Variants in RAD23A observed in about 807,000 individuals in gnomAD.
The protein encoded by RAD23A is lysine-specific demethylase RAD23A.
RAD23A carries 16 observed loss-of-function variants against 44.8 expected under a neutral mutation model. The ratio of observed to expected loss-of-function variants is 0.36; its 90% CI spans 0.24 to 0.54. The LOEUF (loss-of-function observed/expected upper bound fraction) is 0.54, where lower values mean the gene tolerates loss of function less well. RAD23A is among the 20% of genes least tolerant of loss of function. The pLI, the probability that RAD23A is intolerant of heterozygous loss-of-function variation, is 0.89. For synonymous variants in RAD23A, 217 were observed against 202.9 expected, an observed-to-expected ratio of 1.07 and a Z score of -0.59; for missense variants, 380 against 483.3, an observed-to-expected ratio of 0.79 and a Z score of 2.00.
At position 12,948,953 on chromosome 19, in the gene RAD23A, A is replaced by C; in HGVS notation, c.601-128A>C. 1 of 1,526,668 alleles carries C rather than the reference A, an allele frequency of 6.6e-7. No homozygotes were observed. The highest frequency in any genetic ancestry group is 8.9e-7 in the Non-Finnish European group (1 of 1,118,776). 94.6% of individuals were successfully genotyped at this position (1,526,668 alleles called of 1,614,324 possible). A position where few individuals can be genotyped will look rare whatever the true frequency, so the allele number is the denominator to read the frequency against. ...CTAGCCACTAAAGGCTTCCCACAGG[A>C]GGCTGGATGTGAGTGATGGGTGGGC... On this transcript the variant is annotated intron_variant, in intron 5 of 8. Transcript: ENST00000586534. The surrounding 1 kb of genome is among the most constrained non-coding windows in gnomAD (Gnocchi z 5.5).
intron 7 of RAD23A, among the ~76,000 whole-genome samples, chr19:12,950,655 C>T (rs1001147989): frequency 3.3e-5 from 5 of 152,138 alleles, no homozygotes; most frequent in Non-Finnish European, 7.4e-5. Context: ...CCCGCCTTGG[C>T]CTCCCAAAGT....
intron 7 of RAD23A, 22 bp from the exon 8 acceptor site, chr19:12,952,667 C>T (rs1480265619): frequency 1.3e-6 from 2 of 1,598,178 alleles, no homozygotes; most frequent in East Asian, 2.2e-5. Context: ...AATTACCTTC[C>T]CTTCCCCACC....
In RAD23A at chr19:12,953,019, C is replaced by G. The variant is rs767826146; in HGVS notation, c.1062C>G (p.Phe354Leu). 1 of 1,614,038 alleles carries G rather than the reference C, an allele frequency of 6.2e-7. No homozygotes were observed. Among genetic ancestry groups the G allele is most frequent in the South Asian group, 1.1e-5 (1 of 91,080 alleles). ...CEKNENLAAN[F>L]LLSQNFDDE ...AAAATGAGAACTTGGCTGCCAACTT[C>G]CTCCTGAGTCAGAACTTTGATGACG... Residue 354 changes from phenylalanine (F) to leucine (L), a missense_variant, in exon 9 of 9, where the codon TTC (phenylalanine) becomes TTG (leucine). Coordinates refer to ENST00000586534, the MANE Select transcript of RAD23A (RefSeq NM_005053.4).
At chr19:12,947,400 TG>T (rs1405570016) in intron 1 of RAD23A, among the ~76,000 whole-genome samples, 1 of 152,254 alleles carries the variant, frequency 6.6e-6, no homozygotes, top group East Asian at 1.9e-4. Context: ...CAATCCAGCA[TG>T]GGCGGCAGCG....
At position 12,953,328 on chromosome 19, in the gene RAD23A, CTG is replaced by C. The variant is rs1971867325; in HGVS notation, c.*281_*282del. On this transcript the variant is annotated 3_prime_UTR_variant, in exon 9 of 9. Transcript: ENST00000586534. The stretch of plus-strand genomic sequence containing the variant: ...GCGACAGATGGGCCCCTCTTGGCCT[CTG>C]TCCCAGCTCTCTGCAGCCAGACGGA... 1 of 273,882 alleles carries C rather than the reference CTG, an allele frequency of 3.7e-6. No homozygotes were observed. The highest frequency in any genetic ancestry group is 2.2e-5 in the African/African-American group (1 of 45,346). The allele number at this position is 273,882 out of a possible 1,614,324, so 17.0% of individuals were successfully genotyped here. A position where few individuals can be genotyped will look rare whatever the true frequency, so the allele number is the denominator to read the frequency against.
In RAD23A at chr19:12,947,979, G is replaced by A; in HGVS notation, c.204G>A (p.Glu68=). The change falls in exon 2 of 9, where the codon GAG becomes GAA. Residue 68 remains glutamate, a synonymous_variant. Transcript: ENST00000586534. ...DVPIRDYRID[E]KNFVVVMVTK... is the part of the protein sequence containing the mutation. Reference sequence around the variant, plus strand: ...CTATCAGGGACTATCGCATCGATGAGAAGAACTTTGTGGTCGTCATGGTGA... The same window carrying A: ...CTATCAGGGACTATCGCATCGATGAAAAGAACTTTGTGGTCGTCATGGTGA... 1.2e-6 allele frequency: 2 copies of A among 1,613,916 alleles called. No homozygotes were observed. The highest frequency in any genetic ancestry group is 1.3e-5 in the African/African-American group (1 of 75,046).
chr19:12,953,447 T>G lies in RAD23A; in HGVS notation c.*398T>G, dbSNP rs1440842912. 2 of 155,708 alleles carry G rather than the reference T, an allele frequency of 1.3e-5. No homozygotes were observed. Among genetic ancestry groups the G allele is most frequent in the East Asian group, 3.8e-4 (2 of 5,298 alleles). The allele number at this position is 155,708 out of a possible 1,614,324, so 9.6% of individuals were successfully genotyped here. On this transcript the variant is annotated 3_prime_UTR_variant, in exon 9 of 9. Transcript: ENST00000586534. The stretch of plus-strand genomic sequence containing the variant: ...ATGAGGGGAAGCTGGAGCCCCAACT[T>G]TGATCCTCCATTGGAGTGGCCCAAA...
rs757596906 is a variant in RAD23A, at chr19:12,949,146, G to A, written c.666G>A (p.Pro222=). 1.2e-5 allele frequency: 20 copies of A among 1,613,898 alleles called. No homozygotes were observed. Among genetic ancestry groups the A allele is most frequent in the Admixed American group, 5.0e-5 (3 of 59,976 alleles). ...SVQESQVSEQ[P]ATEAAGENPL... is the part of the protein sequence containing the mutation. ...AGGAGAGCCAGGTATCGGAGCAGCCGGCCACGGAAGCAGGTGGGTGTGCAC... is the reference window on the plus strand; with the variant it reads ...AGGAGAGCCAGGTATCGGAGCAGCCAGCCACGGAAGCAGGTGGGTGTGCAC... Residue 222 remains proline (P), a synonymous_variant, in exon 6 of 9, where the codon CCG becomes CCA. Transcript: ENST00000586534.
intron 7 of RAD23A, among the ~76,000 whole-genome samples, chr19:12,951,147 G>A (rs1971800465): frequency 6.6e-6 from 1 of 152,106 alleles, no homozygotes; most frequent in Admixed American, 6.6e-5. Context: ...TTGGTTTGGG[G>A]GCTGGTAGGT....
chr19:12,946,054 G>T, intron 1 of RAD23A, 34 bp downstream of exon 1: 1 of 1,399,130 alleles, frequency 7.1e-7, no homozygotes, highest in South Asian at 1.2e-5. Context: ...GGGCGGGAGC[G>T]ACGGGTTTCG....
intron 7 of RAD23A, among the ~76,000 whole-genome samples, chr19:12,951,072 G>T (rs2146040592): frequency 6.6e-6 from 1 of 152,248 alleles, no homozygotes; most frequent in Admixed American, 6.5e-5. Context: ...AAAAAGAACA[G>T]AAACAAAAAT....
At position 12,948,084 on chromosome 19, in the gene RAD23A, A is replaced by AGATTAGCT; in HGVS notation, c.234+77_234+84dup. 6.2e-7 allele frequency: 1 copy of AGATTAGCT among 1,607,548 alleles called. No homozygotes were observed. Among genetic ancestry groups the AGATTAGCT allele is most frequent in the South Asian group, 1.1e-5 (1 of 90,846 alleles). On this transcript the variant is annotated intron_variant, in intron 2 of 8. Transcript: ENST00000586534. This position sits in a 1 kb window ranked among gnomAD's most constrained non-coding sequence, Gnocchi z 5.5. ...GGCAAAGAGCCTGTGTGCCCAGGAG[A>AGATTAGCT]GATTAGCTGTGAACAGGGCGGGGCC...
intron 7 of RAD23A, among the ~76,000 whole-genome samples, chr19:12,951,529 C>T (rs1183130737): frequency 2.0e-5 from 3 of 152,106 alleles, no homozygotes; most frequent in South Asian, 2.1e-4. Flanking sequence ...TCACCGTAAC[C>T]TCCGCCTCCT....
At chr19:12,950,260 T>C (rs1364877262) in intron 7 of RAD23A, among the ~76,000 whole-genome samples, 16 of 152,146 alleles carry the variant, frequency 1.1e-4, no homozygotes, top group Non-Finnish European at 2.4e-4. Flanking sequence ...GGGGATCTGC[T>C]GGGGTCTACC....
In RAD23A at chr19:12,946,960, G is replaced by C. The variant is rs1268733103; in HGVS notation, c.73-888G>C. 2.6e-5 allele frequency among the ~76,000 whole-genome samples: 4 copies of C among 152,162 alleles called. No individual in the cohort carries two copies. The East Asian group carries it at 7.7e-4, about 29-fold the overall frequency. ...CTTCCGCCTGTAATCCCAGCACTTA[G>C]GGAGGCAGAGGGAAGAGGAGCCCTT... On this transcript the variant is annotated intron_variant, in intron 1 of 8. Coordinates refer to ENST00000586534, the MANE Select transcript of RAD23A (RefSeq NM_005053.4).
At chr19:12,952,406 G>A in intron 7 of RAD23A, 1 of 318,878 alleles carries the variant, frequency 3.1e-6, no homozygotes, top group Non-Finnish European at 5.9e-6. Flanking sequence ...TGGCCAGGCT[G>A]GACTCGAACT....
intron 7 of RAD23A, among the ~76,000 whole-genome samples, chr19:12,949,875 G>A (rs148651661): frequency 9.2e-5 from 14 of 151,918 alleles, no homozygotes; most frequent in African/African-American, 7.3e-5. Flanking sequence ...CAGGAAGAGT[G>A]GGGGAGTGGC....
intron 1 of RAD23A, among the ~76,000 whole-genome samples, chr19:12,947,140 T>G (rs1971692776): frequency 6.6e-6 from 1 of 152,228 alleles, no homozygotes. Context: ...GTAGCACTAT[T>G]GGCCAGGCAC....
At chr19:12,952,465 T>C in intron 7 of RAD23A, 1 of 519,080 alleles carries the variant, frequency 1.9e-6, no homozygotes, top group Non-Finnish European at 3.4e-6. Flanking sequence ...GTGCTGGGAT[T>C]ACAGGTGTGA....
Sources: gnomAD v4.1 joint callset for allele counts (sites outside exome capture counted in the v4.1 genomes callset) on GRCh38, gnomAD v4.1.1 for gene constraint, Gnocchi (gnomAD v3.1) non-coding constraint, MANE v1.5 for transcripts, NCBI Gene and HGNC (gene_info 2026-07-23, HGNC 2026-07-21) for gene names.